CLASP2: variants seen among roughly 807,000 people sequenced by gnomAD.
The protein encoded by CLASP2 is cytoplasmic linker associated protein 2.
CLASP2 carries 47 observed loss-of-function variants against 194.4 expected under a neutral mutation model. That is an observed-to-expected ratio of 0.24 (90% CI 0.19 to 0.31). CLASP2 has a LOEUF of 0.31. CLASP2 is among the 10% of genes least tolerant of loss of function. The pLI is 1.00. For missense variants in CLASP2, 1,445 were observed against 1,823.6 expected (o/e 0.79, Z 3.78); for synonymous variants, 619 against 633.5 (o/e 0.98, Z 0.34).
intron 37 of CLASP2, among the ~76,000 whole-genome samples, chr3:33,508,126 C>G (rs1220173079): frequency 1.3e-5 from 2 of 151,870 alleles, no homozygotes; most frequent in African/African-American, 4.8e-5. Flanking sequence ...TGCTGAATAG[C>G]TGGGACCATA....
intron 1 of CLASP2, among the ~76,000 whole-genome samples, chr3:33,709,522 A>G (rs2092898242): frequency 6.6e-6 from 1 of 152,112 alleles, no homozygotes; most frequent in Admixed American, 6.6e-5. Context: ...GTCAGAGGAG[A>G]TTTTATGACA....
Position 33,606,827 on chromosome 3 carries a change from C to A in CLASP2, c.1527-69G>T, listed in dbSNP as rs984135935. On this transcript the variant is annotated intron_variant, in intron 15 of 38. Transcript: ENST00000682230. ...AATTAGACATTAACAGTAACGTGTACGTTCAAGAAGGATGAAGATAAGCCC... is the reference window on the plus strand; with the variant it reads ...AATTAGACATTAACAGTAACGTGTAAGTTCAAGAAGGATGAAGATAAGCCC... 2.6e-6 allele frequency: 3 copies of A among 1,145,452 alleles called. No homozygotes were observed. The South Asian group carries it at 4.5e-5, about 17-fold the overall frequency. 71.0% of individuals were successfully genotyped at this position (1,145,452 alleles called of 1,614,324 possible).
At chr3:33,700,516 T>C (rs1308322116) in intron 1 of CLASP2, among the ~76,000 whole-genome samples, 1 of 151,576 alleles carries the variant, frequency 6.6e-6, no homozygotes, top group Non-Finnish European at 1.5e-5. Context: ...GTCTATTGAG[T>C]TTAGTAAAGT....
chr3:33,688,235 A>G, intron 4 of CLASP2, 42 bp downstream of exon 4: 3 of 1,440,504 alleles, frequency 2.1e-6, no homozygotes, highest in Non-Finnish European at 1.9e-6. Context: ...TTTTAGAGAA[A>G]TAAAAAACAA....
chr3:33,505,598 A>G (rs2047953228), intron 37 of CLASP2: 1 of 152,214 alleles, frequency 6.6e-6, no homozygotes, highest in East Asian at 1.9e-4. Context: ...TAATATATGA[A>G]GTGATTTTCA....
At chr3:33,501,925 A>G in intron 37 of CLASP2, 157 bp from the exon 38 acceptor site, 1 of 585,086 alleles carries the variant, frequency 1.7e-6, no homozygotes, top group South Asian at 2.1e-5. Flanking sequence ...TTTCAAGCAT[A>G]GACAATGCCC....
intron 21 of CLASP2, among the ~76,000 whole-genome samples, chr3:33,585,941 A>T (rs1386121436): frequency 6.6e-6 from 1 of 152,142 alleles, no homozygotes; most frequent in Admixed American, 6.5e-5. Flanking sequence ...TTACTATTAG[A>T]CGTATTTTTA....
chr3:33,529,655 T>C (rs1489393691), intron 34 of CLASP2, among the ~76,000 whole-genome samples: 2 of 152,190 alleles, frequency 1.3e-5, no homozygotes, highest in Non-Finnish European at 2.9e-5. Context: ...CAAGATCAAC[T>C]TCACTGTCTT....
At chr3:33,674,022 T>C (rs994304881) in intron 6 of CLASP2, among the ~76,000 whole-genome samples, 6 of 152,148 alleles carry the variant, frequency 3.9e-5, no homozygotes, top group African/African-American at 1.4e-4. Context: ...CTGTCAACAT[T>C]AGACAGATCA....
chr3:33,684,626 T>C (rs1317119682), intron 5 of CLASP2, among the ~76,000 whole-genome samples, 170 bp from the exon 6 acceptor site: 2 of 152,198 alleles, frequency 1.3e-5, no homozygotes, highest in Non-Finnish European at 2.9e-5. Flanking sequence ...GCCAAGATAC[T>C]TCTAGAAAAA....
At chr3:33,543,061 A>C (rs1312321690) in intron 32 of CLASP2, among the ~76,000 whole-genome samples, 1 of 152,180 alleles carries the variant, frequency 6.6e-6, no homozygotes, top group African/African-American at 2.4e-5. Flanking sequence ...GAATTATATT[A>C]GTGCTTGCTT....
chr3:33,616,449 C>T (rs1173751567), intron 12 of CLASP2, among the ~76,000 whole-genome samples: 1 of 151,954 alleles, frequency 6.6e-6, no homozygotes, highest in Non-Finnish European at 1.5e-5. Flanking sequence ...CCGAATCTAG[C>T]AGTATCTTAA....
At chr3:33,551,199 A>G in intron 30 of CLASP2, 53 bp downstream of exon 30, 8 of 1,510,390 alleles carry the variant, frequency 5.3e-6, no homozygotes, top group Non-Finnish European at 7.2e-6. Flanking sequence ...GGCAATCCAT[A>G]ATAACTGACT....
chr3:33,708,496 ATATATATATG>A lies in CLASP2; in HGVS notation c.195+9302_195+9311del, dbSNP rs1255013778. Among the ~76,000 whole-genome samples, 247 of 89,004 alleles carry A rather than the reference ATATATATATG, an allele frequency of 2.8e-3. 3 individuals carry two copies. In the East Asian group the frequency reaches 0.042, roughly 15 times the overall value. 58.4% of individuals were successfully genotyped at this position (89,004 alleles called of 152,430 possible). On this transcript the variant is annotated intron_variant, in intron 1 of 38. Transcript: ENST00000682230. ...GGTGTGTGTGTGTGTGTATGTATAT[ATATATATATG>A]TATATATATGTATATATGTATATAT... is the stretch of plus-strand genomic sequence containing the variant.
rs1391964968 is a variant in CLASP2, at chr3:33,499,770, T to G, written c.4435-1053A>C. ...ACTAGGTGTTACACGATATGCTGTT[T>G]TACATTATATCTTTATCTTTATATT... On this transcript the variant is annotated intron_variant, in intron 38 of 38. Transcript: ENST00000682230. Among the ~76,000 whole-genome samples the G allele has an allele frequency of 2.0e-5, 3 of 152,190 alleles. No individual in the cohort carries two copies. In the East Asian group the frequency reaches 5.8e-4, roughly 29 times the overall value.
intron 5 of CLASP2, among the ~76,000 whole-genome samples, chr3:33,684,703 A>G (rs751772203): frequency 2.0e-5 from 3 of 152,202 alleles, no homozygotes; most frequent in Non-Finnish European, 4.4e-5. Flanking sequence ...TTAAGCTTTT[A>G]AAAAATCTAT....
chr3:33,692,245 C>T (rs1381408645), intron 2 of CLASP2, among the ~76,000 whole-genome samples: 1 of 152,068 alleles, frequency 6.6e-6, no homozygotes, highest in Non-Finnish European at 1.5e-5. Flanking sequence ...TTTCCATTTA[C>T]TTATAATTTG....
chr3:33,498,229 G>C lies in CLASP2; in HGVS notation c.*402C>G, dbSNP rs1257099625. On this transcript the variant is annotated 3_prime_UTR_variant, in exon 39 of 39. Coordinates refer to ENST00000682230, the MANE Select transcript of CLASP2 (RefSeq NM_001365631.1). ...GCAATAAAAATATTATTCTGCAGTT[G>C]AATAAAAGCAAAAATGTTTTAGACT... is the stretch of plus-strand genomic sequence containing the variant. 6.4e-6 allele frequency: 1 copy of C among 155,802 alleles called. No homozygotes were observed. The highest frequency in any genetic ancestry group is 2.4e-5 in the African/African-American group (1 of 41,572). The allele number at this position is 155,802 out of a possible 1,614,324, so 9.7% of individuals were successfully genotyped here.
rs76701586 is a variant in CLASP2 at position 33,560,868 on chromosome 3, A to G, written c.2870T>C (p.Met957Thr). Residue 957 changes from methionine (M) to threonine (T), a missense_variant, in exon 28 of 39, where the codon ATG (methionine) becomes ACG (threonine). Met to Thr is a moderately conservative substitution (Grantham distance 81). Transcript: ENST00000682230. ...AACAGATCCAAGCAAATCAGCACCCATTTTTTTTAGTAGTTGTGTCAGCAG... is the reference window on the plus strand; with the variant it reads ...AACAGATCCAAGCAAATCAGCACCCGTTTTTTTTAGTAGTTGTGTCAGCAG... ...FVLLTQLLKK[M>T]GADLLGSVQA... The G allele has an allele frequency of 6.2e-7, 1 of 1,612,756 alleles. No individual in the cohort carries two copies. Among genetic ancestry groups the G allele is most frequent in the African/African-American group, 1.3e-5 (1 of 74,870 alleles).
Sources: gnomAD v4.1 joint callset for allele counts (sites outside exome capture counted in the v4.1 genomes callset) on GRCh38, gnomAD v4.1.1 for gene constraint, MANE v1.5 for transcripts, NCBI Gene and HGNC (gene_info 2026-07-23, HGNC 2026-07-21) for gene names.